The following ITGB8 variants were observed in gnomAD, a reference collection of about 807,000 sequenced individuals.
ITGB8 encodes the protein integrin subunit beta 8, also known as integrin beta-8.
ITGB8 carries 30 observed loss-of-function variants against 89.5 expected under a neutral mutation model. The observed-to-expected ratio is 0.34, with a 90% CI of 0.25 to 0.45. ITGB8 has a LOEUF of 0.45. ITGB8 is among the 20% of genes least tolerant of loss of function. The pLI is 1.00. For synonymous variants in ITGB8, 335 were observed against 320.4 expected, an observed-to-expected ratio of 1.05 and a Z score of -0.49; for missense variants, 836 against 933.3, an observed-to-expected ratio of 0.90 and a Z score of 1.36.
At chr7:20,384,971 A>G (rs571522447) in intron 6 of ITGB8, among the ~76,000 whole-genome samples, 56 of 152,360 alleles carry the variant, frequency 3.7e-4, no homozygotes, top group African/African-American at 1.3e-3. Context: ...TGATTTATCC[A>G]GTGATAATGA....
intron 7 of ITGB8, among the ~76,000 whole-genome samples, chr7:20,392,861 C>A (rs1786919937): frequency 6.6e-6 from 1 of 152,198 alleles, no homozygotes; most frequent in Non-Finnish European, 1.5e-5. Flanking sequence ...AAGGTAACAA[C>A]AAACTAACAT....
In ITGB8 at chr7:20,404,686, A is replaced by G; in HGVS notation, c.1746A>G (p.Arg582=). ...GCTTCAGTGGCTGGGAAGGTGATCG[A>G]TGCCAGTGCCCTTCAGCAGCAGCCC... is the stretch of plus-strand genomic sequence containing the variant. The part of the protein sequence containing the change: ...CQCFSGWEGD[R]CQCPSAAAQH... The change falls in exon 11 of 14, where the codon CGA becomes CGG. Residue 582 remains arginine, a synonymous_variant. Transcript: ENST00000222573. 1 of 1,614,122 alleles carries G rather than the reference A, an allele frequency of 6.2e-7. No individual in the cohort carries two copies. Among genetic ancestry groups the G allele is most frequent in the East Asian group, 2.2e-5 (1 of 44,878 alleles).
intron 6 of ITGB8, among the ~76,000 whole-genome samples, chr7:20,384,838 T>C (rs1008422515): frequency 6.6e-6 from 1 of 152,212 alleles, no homozygotes; most frequent in Non-Finnish European, 1.5e-5. Context: ...TATTTACACA[T>C]TGTGATATTT....
intron 11 of ITGB8, 65 bp downstream of exon 11, chr7:20,404,918 T>C: frequency 7.3e-7 from 1 of 1,369,002 alleles, no homozygotes; most frequent in Non-Finnish European, 1.0e-6. Context: ...TCGTTCTGAC[T>C]TCCTTAATCT....
chr7:20,370,817 T>C (rs1406790850), intron 3 of ITGB8, among the ~76,000 whole-genome samples: 4 of 152,112 alleles, frequency 2.6e-5, no homozygotes, highest in East Asian at 1.9e-4. Context: ...TTTCACCATG[T>C]TGGCCAGACT....
At chr7:20,397,083 C>T (rs1222519877) in intron 8 of ITGB8, among the ~76,000 whole-genome samples, 1 of 152,110 alleles carries the variant, frequency 6.6e-6, no homozygotes, top group East Asian at 1.9e-4. Context: ...TGCCTCTGTA[C>T]CTATTAGATA....
At position 20,404,644 on chromosome 7, in the gene ITGB8, A is replaced by C; in HGVS notation, c.1704A>C (p.Glu568Asp). 1 of 1,613,966 alleles carries C rather than the reference A, an allele frequency of 6.2e-7. No individual in the cohort carries two copies. The highest frequency in any genetic ancestry group is 8.5e-7 in the Non-Finnish European group (1 of 1,179,930). Residue 568 changes from glutamate (E) to aspartate (D), a missense_variant, in exon 11 of 14, where the codon GAA becomes GAC. Physicochemically the swap from Glu to Asp is conservative, Grantham distance 45. Transcript: ENST00000222573. Reference sequence around the variant, plus strand: ...TCCTCACAGGGCATGGAGAGTGTGAAGCAGGCAGATGCCAATGCTTCAGTG... The same window carrying C: ...TCCTCACAGGGCATGGAGAGTGTGACGCAGGCAGATGCCAATGCTTCAGTG... ...GNLCAGHGEC[E>D]AGRCQCFSGW...
chr7:20,362,371 C>T (rs1044004975), intron 1 of ITGB8, among the ~76,000 whole-genome samples: 2 of 152,294 alleles, frequency 1.3e-5, no homozygotes, highest in East Asian at 3.9e-4. Context: ...TGCACATGCA[C>T]ACAGTTTTCT....
At chr7:20,354,670 T>C (rs1785229523) in intron 1 of ITGB8, among the ~76,000 whole-genome samples, 1 of 152,202 alleles carries the variant, frequency 6.6e-6, no homozygotes, top group African/African-American at 2.4e-5. Flanking sequence ...GCTGCAGGTC[T>C]GGACATTACA....
intron 12 of ITGB8, among the ~76,000 whole-genome samples, chr7:20,406,644 T>C (rs1018175221): frequency 1.3e-5 from 2 of 152,186 alleles, no homozygotes; most frequent in Admixed American, 6.5e-5. Context: ...TTTTGTGTCA[T>C]CTTCTACCTT....
chr7:20,357,023 G>T (rs1785318609), intron 1 of ITGB8, among the ~76,000 whole-genome samples: 1 of 152,078 alleles, frequency 6.6e-6, no homozygotes, highest in Non-Finnish European at 1.5e-5. Context: ...TGACTTTTGT[G>T]TACTCTATCC....
At chr7:20,355,882 A>G (rs972211970) in intron 1 of ITGB8, among the ~76,000 whole-genome samples, 3 of 152,220 alleles carry the variant, frequency 2.0e-5, no homozygotes, top group Non-Finnish European at 4.4e-5. Context: ...AGTTTAAATA[A>G]GCATTGGTGG....
At chr7:20,387,525 G>T (rs557313711) in intron 6 of ITGB8, among the ~76,000 whole-genome samples, 1 of 152,298 alleles carries the variant, frequency 6.6e-6, no homozygotes, top group East Asian at 1.9e-4. Flanking sequence ...AAGCCCAGAT[G>T]ATCTGTTTTC....
chr7:20,359,172 A>T (rs1490264188), intron 1 of ITGB8, among the ~76,000 whole-genome samples: 1 of 149,528 alleles, frequency 6.7e-6, no homozygotes, highest in Admixed American at 6.7e-5. Context: ...AAGGCAGTAC[A>T]TTTTTTTTTT....
At chr7:20,374,487 TAAAAA>T (rs11452686) in intron 3 of ITGB8, among the ~76,000 whole-genome samples, 2 of 141,422 alleles carry the variant, frequency 1.4e-5, no homozygotes, top group Non-Finnish European at 3.1e-5. Flanking sequence ...TCTTAGCTGC[TAAAAA>T]AAAAAAAAAA....
chr7:20,359,132 T>TA (rs1785404927), intron 1 of ITGB8, among the ~76,000 whole-genome samples: 1 of 152,204 alleles, frequency 6.6e-6, no homozygotes, highest in Admixed American at 6.5e-5. Flanking sequence ...CCTAGGTTGA[T>TA]TCCATGTCTT....
chr7:20,381,836 A>G lies in ITGB8; in HGVS notation c.911A>G (p.Asp304Gly). ...SKLAGIVVPN[D>G]GNCHLKNNVY... The stretch of plus-strand genomic sequence containing the variant: ...TTGGCAGGCATAGTGGTGCCCAATG[A>G]CGGAAACTGTCATCTGAAAAACAAC... Residue 304 changes from aspartate (D) to glycine (G), a missense_variant, in exon 6 of 14, where the codon GAC (aspartate) becomes GGC (glycine). Transcript: ENST00000222573. 1 of 1,613,986 alleles carries G rather than the reference A, an allele frequency of 6.2e-7. No homozygotes were observed. The highest frequency in any genetic ancestry group is 8.5e-7 in the Non-Finnish European group (1 of 1,179,912).
Position 20,414,060 on chromosome 7 carries a change from T to C in ITGB8, c.*4063T>C, listed in dbSNP as rs1027056676. On this transcript the variant is annotated 3_prime_UTR_variant, in exon 14 of 14. Coordinates refer to ENST00000222573, the MANE Select transcript of ITGB8 (RefSeq NM_002214.3). ...GATTCCAAGACATCACTTTTTCAAT[T>C]TAACATCTCTGAAATTGTGACATTT... The C allele has an allele frequency of 9.2e-5, 14 of 152,272 alleles. No homozygotes were observed. In the South Asian group the frequency reaches 1.2e-3, roughly 14 times the overall value. 9.4% of individuals were successfully genotyped at this position (152,272 alleles called of 1,614,324 possible). A position where few individuals can be genotyped will look rare whatever the true frequency, so the allele number is the denominator to read the frequency against.
intron 3 of ITGB8, among the ~76,000 whole-genome samples, chr7:20,371,290 AATAAGAGTT>A (rs1319764692): frequency 2.6e-5 from 4 of 152,228 alleles, no homozygotes; most frequent in Admixed American, 1.3e-4. Context: ...TTAAAAATGA[AATAAGAGTT>A]ATAAACATTT....
Sources: gnomAD v4.1 joint callset for allele counts (sites outside exome capture counted in the v4.1 genomes callset) on GRCh38, gnomAD v4.1.1 for gene constraint, MANE v1.5 for transcripts, NCBI Gene and HGNC (gene_info 2026-07-23, HGNC 2026-07-21) for gene names.